FANCF: variants seen among roughly 807,000 people sequenced by gnomAD.
The protein encoded by FANCF is Fanconi anemia group F protein.
For synonymous variants in FANCF, 257 were observed against 205.9 expected (o/e 1.25, Z -2.13); for missense variants, 552 against 481.8 (o/e 1.15, Z -1.36).
Position 22,625,701 on chromosome 11 carries a change from C to T in FANCF, c.110G>A (p.Trp37Ter). 1 of 1,614,122 alleles carries T rather than the reference C, an allele frequency of 6.2e-7. No individual in the cohort carries two copies. The highest frequency in any genetic ancestry group is 8.5e-7 in the Non-Finnish European group (1 of 1,180,024). The stretch of plus-strand genomic sequence containing the variant: ...ATGGATGTGGCGCAGGTAGCGCGCC[C>T]ACTGCAAGGCCCGGCGCACGGTGGC... ...DPATVRRALQ[W>*]ARYLRHIHRR... The change falls in exon 1 of 1, where the codon TGG becomes TAG. Residue 37 changes from tryptophan (W) to a stop codon, truncating the protein, a stop_gained. Transcript: ENST00000327470. LOFTEE classifies it low-confidence loss of function (END_TRUNC).
Position 22,624,673 on chromosome 11 carries a change from AAC to A in FANCF, c.*11_*12del, listed in dbSNP as rs1858612224. The A allele has an allele frequency of 2.5e-6, 4 of 1,612,060 alleles. No homozygotes were observed. Among genetic ancestry groups the A allele is most frequent in the African/African-American group, 1.3e-5 (1 of 74,902 alleles). The stretch of plus-strand genomic sequence containing the variant: ...ACTATATATTCTATATTCAAGTAAT[AAC>A]ACAGCATTGCCTATACAGAACTGAG... On this transcript the variant is annotated 3_prime_UTR_variant, in exon 1 of 1. Coordinates refer to ENST00000327470, the MANE Select transcript of FANCF (RefSeq NM_022725.4).
chr11:22,625,451 G>T lies in FANCF; in HGVS notation c.360C>A (p.Gly120=). Residue 120 remains glycine (G), a synonymous_variant, in exon 1 of 1, where the codon GGC becomes GGA. Transcript: ENST00000327470. ...GTGTCTCCTCATCGGCGTCCCGGAC[G>T]CCCGGGCCGGGAAAGAGTTGCTGCA... is the stretch of plus-strand genomic sequence containing the variant. ...HLVQQLFPGP[G]VRDADEETLQ... 1.2e-6 allele frequency: 2 copies of T among 1,614,096 alleles called. No homozygotes were observed. The highest frequency in any genetic ancestry group is 3.3e-4 in the Middle Eastern group (2 of 6,062).
Position 22,625,450 on chromosome 11 carries a change from C to T in FANCF, c.361G>A (p.Val121Ile), listed in dbSNP as rs767379904. The T allele has an allele frequency of 5.0e-6, 8 of 1,614,110 alleles. 1 individual carries two copies. The South Asian group carries it at 8.8e-5, about 18-fold the overall frequency. The change falls in exon 1 of 1, where the codon GTC (valine) becomes ATC (isoleucine). Residue 121 changes from valine (V) to isoleucine (I), a missense_variant. Transcript: ENST00000327470. Reference sequence around the variant, plus strand: ...AGTGTCTCCTCATCGGCGTCCCGGACGCCCGGGCCGGGAAAGAGTTGCTGC... The same window carrying T: ...AGTGTCTCCTCATCGGCGTCCCGGATGCCCGGGCCGGGAAAGAGTTGCTGC... Reference protein sequence around the residue: ...LVQQLFPGPGVRDADEETLQE... With the variant: ...LVQQLFPGPGIRDADEETLQE...
chr11:22,625,427 T>G lies in FANCF; in HGVS notation c.384A>C (p.Thr128=), dbSNP rs200307118. 8.7e-6 allele frequency: 14 copies of G among 1,613,884 alleles called. No homozygotes were observed. The highest frequency in any genetic ancestry group is 1.7e-5 in the Admixed American group (1 of 60,006). The change falls in exon 1 of 1, where the codon ACA becomes ACC. Residue 128 remains threonine, a synonymous_variant. Transcript: ENST00000327470. The stretch of plus-strand genomic sequence containing the variant: ...CAAGGCGGGCCAGGCTCTCTTGGAG[T>G]GTCTCCTCATCGGCGTCCCGGACGC... ...GPGVRDADEE[T]LQESLARLAR... is the part of the protein sequence containing the mutation.
rs1450233125 is a variant in FANCF at position 22,625,113 on chromosome 11, C to T, written c.698G>A (p.Gly233Glu). ...EPGIHKSPGEGSQVLVHWLLG... is the reference protein window; with the variant it reads ...EPGIHKSPGEESQVLVHWLLG... ...AAGCCAGTGGACTAGCACTTGGCTC[C>T]CCTCTCCAGGTGATTTGTGGATGCC... Residue 233 changes from glycine to glutamate, a missense_variant, in exon 1 of 1, where the codon GGG becomes GAG. Coordinates refer to ENST00000327470, the MANE Select transcript of FANCF (RefSeq NM_022725.4). 6.2e-7 allele frequency: 1 copy of T among 1,611,160 alleles called. No homozygotes were observed. The highest frequency in any genetic ancestry group is 1.7e-5 in the Admixed American group (1 of 59,776).
In FANCF at chr11:22,623,616, A is replaced by G. The variant is rs1858591062; in HGVS notation, c.*1070T>C. On this transcript the variant is annotated 3_prime_UTR_variant, in exon 1 of 1. Transcript: ENST00000327470. ...ATTTTATTCTAAACACTTCATTTAC[A>G]TATAAGGCAACTGTGGCCCCAAGGT... The G allele has an allele frequency of 5.3e-6, 1 of 190,394 alleles. No individual in the cohort carries two copies. The highest frequency in any genetic ancestry group is 2.3e-5 in the African/African-American group (1 of 42,934). The allele number at this position is 190,394 out of a possible 1,614,324, so 11.8% of individuals were successfully genotyped here. A position where few individuals can be genotyped will look rare whatever the true frequency, so the allele number is the denominator to read the frequency against.
In FANCF at chr11:22,624,557, T is replaced by C; in HGVS notation, c.*129A>G. The C allele has an allele frequency of 2.4e-6, 2 of 849,832 alleles. No homozygotes were observed. The highest frequency in any genetic ancestry group is 3.0e-5 in the South Asian group (2 of 66,516). 52.6% of individuals were successfully genotyped at this position (849,832 alleles called of 1,614,324 possible). Reference sequence around the variant, plus strand: ...ACTTTGCATATTTATAACTGTTTAATAAACTATTCAAAATTAGCATCTAAA... The same window carrying C: ...ACTTTGCATATTTATAACTGTTTAACAAACTATTCAAAATTAGCATCTAAA... On this transcript the variant is annotated 3_prime_UTR_variant, in exon 1 of 1. Coordinates refer to ENST00000327470, the MANE Select transcript of FANCF (RefSeq NM_022725.4).
In FANCF at chr11:22,625,540, C is replaced by G. The variant is rs1303232733; in HGVS notation, c.271G>C (p.Val91Leu). Reference protein sequence around the residue: ...ANFQALGHCDVLLSLRLLENR... With the variant: ...ANFQALGHCDLLLSLRLLENR... Reference sequence around the variant, plus strand: ...TCCAGCAGGCGCAGAGAGAGCAGGACGTCACAGTGACCGAGGGCCTGGAAG... The same window carrying G: ...TCCAGCAGGCGCAGAGAGAGCAGGAGGTCACAGTGACCGAGGGCCTGGAAG... Residue 91 changes from valine to leucine, a missense_variant, in exon 1 of 1, where the codon GTC becomes CTC. Val to Leu is a conservative substitution (Grantham distance 32). Coordinates refer to ENST00000327470, the MANE Select transcript of FANCF (RefSeq NM_022725.4). 2 of 1,614,142 alleles carry G rather than the reference C, an allele frequency of 1.2e-6. No homozygotes were observed. Among genetic ancestry groups the G allele is most frequent in the Admixed American group, 3.3e-5 (2 of 60,032 alleles).
rs759924821 is a variant in FANCF, at chr11:22,625,272, G to A, written c.539C>T (p.Ala180Val). The A allele has an allele frequency of 1.2e-6, 2 of 1,614,136 alleles. No homozygotes were observed. The highest frequency in any genetic ancestry group is 1.1e-5 in the South Asian group (1 of 91,086). Reference protein sequence around the residue: ...LLERLQEVGKAEAERPARFLS... With the variant: ...LLERLQEVGKVEAERPARFLS... ...AAACCTGGCGGGACGCTCCGCTTCG[G>A]CCTTCCCCACCTCCTGCAGACGCTC... The change falls in exon 1 of 1, where the codon GCC becomes GTC. Residue 180 changes from alanine (A) to valine (V), a missense_variant. Coordinates refer to ENST00000327470, the MANE Select transcript of FANCF (RefSeq NM_022725.4).
rs2133796690 is a variant in FANCF, at chr11:22,624,975, G to A, written c.836C>T (p.Thr279Ile). The change falls in exon 1 of 1, where the codon ACA (threonine) becomes ATA (isoleucine). Residue 279 changes from threonine to isoleucine, a missense_variant. Thr to Ile is a moderately conservative substitution (Grantham distance 89, BLOSUM62 -1). Transcript: ENST00000327470. Reference protein sequence around the residue: ...ALSPVYLGLLTDWGQRLHYDL... With the variant: ...ALSPVYLGLLIDWGQRLHYDL... ...ATAGTGCAAACGTTGACCCCAGTCTGTTAGCAGACCCAGATAGACAGGAGA... is the reference window on the plus strand; with the variant it reads ...ATAGTGCAAACGTTGACCCCAGTCTATTAGCAGACCCAGATAGACAGGAGA... 1 of 1,614,192 alleles carries A rather than the reference G, an allele frequency of 6.2e-7. No homozygotes were observed. Among genetic ancestry groups the A allele is most frequent in the Non-Finnish European group, 8.5e-7 (1 of 1,180,042 alleles).
chr11:22,625,238 G>C lies in FANCF; in HGVS notation c.573C>G (p.Ser191Arg), dbSNP rs146219377. 9.8e-5 allele frequency: 158 copies of C among 1,614,108 alleles called. No homozygotes were observed. In the Middle Eastern group the frequency reaches 2.5e-3, roughly 25 times the overall value. The change falls in exon 1 of 1, where the codon AGC becomes AGG. Residue 191 changes from serine (S) to arginine (R), a missense_variant. Ser to Arg is a moderately radical substitution (Grantham distance 110). Transcript: ENST00000327470. ...EAERPARFLS[S>R]LWERLPQNNF... ...TGTTCTGAGGCAAGCGCTCCCACAG[G>C]CTGCTGAGAAACCTGGCGGGACGCT...
rs557247779 is a variant in FANCF, at chr11:22,622,956, G to A, written c.*1730C>T. The A allele has an allele frequency of 6.9e-4, 138 of 199,200 alleles. 1 individual carries two copies. Among genetic ancestry groups the A allele is most frequent in the African/African-American group, 2.9e-3 (127 of 43,540 alleles). 12.3% of individuals were successfully genotyped at this position (199,200 alleles called of 1,614,324 possible). ...AGTGTGAGATACAGCTGCAAATATAGGGAAGTAAGTTCACAAACTGTTATT... is the reference window on the plus strand; with the variant it reads ...AGTGTGAGATACAGCTGCAAATATAAGGAAGTAAGTTCACAAACTGTTATT... On this transcript the variant is annotated 3_prime_UTR_variant, in exon 1 of 1. Coordinates refer to ENST00000327470, the MANE Select transcript of FANCF (RefSeq NM_022725.4).
In FANCF at chr11:22,625,726, C is replaced by G. The variant is rs2133798720; in HGVS notation, c.85G>C (p.Ala29Pro). ...CACTGCAAGGCCCGGCGCACGGTGG[C>G]GGGGTCCCAGGTGCTGACGTAGGTA... Reference protein sequence around the residue: ...STTYVSTWDPATVRRALQWAR... With the variant: ...STTYVSTWDPPTVRRALQWAR... Residue 29 changes from alanine (A) to proline (P), a missense_variant, in exon 1 of 1, where the codon GCC (alanine) becomes CCC (proline). Coordinates refer to ENST00000327470, the MANE Select transcript of FANCF (RefSeq NM_022725.4). 6.2e-7 allele frequency: 1 copy of G among 1,614,130 alleles called. No homozygotes were observed. Among genetic ancestry groups the G allele is most frequent in the Non-Finnish European group, 8.5e-7 (1 of 1,180,026 alleles).
In FANCF at chr11:22,624,907, C is replaced by T. The variant is rs1196670435; in HGVS notation, c.904G>A (p.Val302Met). ...GIWVGTESQD[V>M]PWEELHNRFQ... The stretch of plus-strand genomic sequence containing the variant: ...CTATTGTGCAACTCCTCCCAGGGCA[C>T]ATCTTGGGACTCAGTTCCAACCCAA... The change falls in exon 1 of 1, where the codon GTG becomes ATG. Residue 302 changes from valine to methionine, a missense_variant. Physicochemically the swap from Val to Met is conservative, Grantham distance 21. Coordinates refer to ENST00000327470, the MANE Select transcript of FANCF (RefSeq NM_022725.4). 17 of 1,614,004 alleles carry T rather than the reference C, an allele frequency of 1.1e-5. No individual in the cohort carries two copies. Among genetic ancestry groups the T allele is most frequent in the East Asian group, 2.2e-5 (1 of 44,882 alleles).
rs947080653 is a variant in FANCF at position 22,623,049 on chromosome 11, A to C, written c.*1637T>G. 2 of 206,274 alleles carry C rather than the reference A, an allele frequency of 9.7e-6. No homozygotes were observed. The highest frequency in any genetic ancestry group is 2.0e-5 in the Non-Finnish European group (2 of 100,728). 12.8% of individuals were successfully genotyped at this position (206,274 alleles called of 1,614,324 possible). A position where few individuals can be genotyped will look rare whatever the true frequency, so the allele number is the denominator to read the frequency against. ...TCTTCACTGGGTTGTTTCTTAAAAA[A>C]AATTCACGCAACTGACAGGAGGAAT... On this transcript the variant is annotated 3_prime_UTR_variant, in exon 1 of 1. Transcript: ENST00000327470.
chr11:22,625,685 G>C lies in FANCF; in HGVS notation c.126C>G (p.Arg42=). Residue 42 remains arginine (R), a synonymous_variant, in exon 1 of 1, where the codon CGC becomes CGG. Coordinates refer to ENST00000327470, the MANE Select transcript of FANCF (RefSeq NM_022725.4). ...GCCGACCAAAGCGCCGATGGATGTG[G>C]CGCAGGTAGCGCGCCCACTGCAAGG... is the stretch of plus-strand genomic sequence containing the variant. The part of the protein sequence containing the change: ...RRALQWARYL[R]HIHRRFGRHG... 6.2e-7 allele frequency: 1 copy of C among 1,614,030 alleles called. No individual in the cohort carries two copies. Among genetic ancestry groups the C allele is most frequent in the Non-Finnish European group, 8.5e-7 (1 of 1,180,000 alleles).
At position 22,625,622 on chromosome 11, in the gene FANCF, G is replaced by C. The variant is rs1014150752; in HGVS notation, c.189C>G (p.His63Gln). ...AGCCGCCCTCTTGCCTCCACTGGTT[G>C]TGCAGCCGCCGCTCCAGAGCCGTGC... The part of the protein sequence containing the change: ...PIRTALERRL[H>Q]NQWRQEGGFG... Residue 63 changes from histidine (H) to glutamine (Q), a missense_variant, in exon 1 of 1, where the codon CAC (histidine) becomes CAG (glutamine). Physicochemically the swap from His to Gln is conservative, Grantham distance 24. Coordinates refer to ENST00000327470, the MANE Select transcript of FANCF (RefSeq NM_022725.4). The C allele has an allele frequency of 5.0e-6, 8 of 1,613,466 alleles. No homozygotes were observed. The African/African-American group carries it at 6.7e-5, about 13-fold the overall frequency.
Position 22,624,247 on chromosome 11 carries a change from C to A in FANCF, c.*439G>T. On this transcript the variant is annotated 3_prime_UTR_variant, in exon 1 of 1. Coordinates refer to ENST00000327470, the MANE Select transcript of FANCF (RefSeq NM_022725.4). ...TAACAAGGCCAAACTCCAGATAGGC[C>A]AACAGCTTTTCAAACCAATATTCCT... The A allele has an allele frequency of 3.6e-6, 1 of 278,064 alleles. No homozygotes were observed. 17.2% of individuals were successfully genotyped at this position (278,064 alleles called of 1,614,324 possible). A position where few individuals can be genotyped will look rare whatever the true frequency, so the allele number is the denominator to read the frequency against.
In FANCF at chr11:22,625,644, G is replaced by A. The variant is rs2133798524; in HGVS notation, c.167C>T (p.Thr56Met). 1 of 1,613,964 alleles carries A rather than the reference G, an allele frequency of 6.2e-7. No individual in the cohort carries two copies. The highest frequency in any genetic ancestry group is 1.1e-5 in the South Asian group (1 of 91,082). Residue 56 changes from threonine (T) to methionine (M), a missense_variant, in exon 1 of 1, where the codon ACG (threonine) becomes ATG (methionine). By Grantham distance (81) the Thr-to-Met change is moderately conservative. Transcript: ENST00000327470. ...RRFGRHGPIR[T>M]ALERRLHNQW... ...GTTGTGCAGCCGCCGCTCCAGAGCCGTGCGAATGGGGCCATGCCGACCAAA... is the reference window on the plus strand; with the variant it reads ...GTTGTGCAGCCGCCGCTCCAGAGCCATGCGAATGGGGCCATGCCGACCAAA...
Sources: allele counts gnomAD v4.1 joint callset, GRCh38; gene constraint gnomAD v4.1.1; transcripts MANE v1.5; gene names NCBI Gene and HGNC (gene_info 2026-07-23, HGNC 2026-07-21).